Variants in CRYBA4 observed in about 807,000 individuals in gnomAD.
The protein encoded by CRYBA4 is beta-crystallin A4.
Under a neutral mutation model 31.7 loss-of-function variants are expected in CRYBA4, and 30 were observed. The ratio of observed to expected loss-of-function variants is 0.95; its 90% CI spans 0.71 to 1.28. The LOEUF is 1.28. Ranked by LOEUF, CRYBA4 falls within the 50% of genes most tolerant of loss-of-function variation. The pLI, the probability that CRYBA4 is intolerant of heterozygous loss-of-function variation, is 0.00. For missense variants in CRYBA4, 225 were observed against 260.7 expected (o/e 0.86, Z 0.94); for synonymous variants, 102 against 102.3 (o/e 1.00, Z 0.02).
At chr22:26,600,388 C>G in the CRYBA4 span, among the ~76,000 whole-genome samples, 1 of 151,038 alleles carries the variant, frequency 6.6e-6, no homozygotes, top group South Asian at 2.1e-4. Flanking sequence ...AGGGACAGAG[C>G]GAGACTCCAT....
chr22:26,599,484 G>A, the CRYBA4 span: 1 of 1,608,614 alleles, frequency 6.2e-7, no homozygotes. Flanking sequence ...AGAGTGAGGT[G>A]TGGACTCACT....
At chr22:26,609,354 G>A in the CRYBA4 span, among the ~76,000 whole-genome samples, 1 of 151,748 alleles carries the variant, frequency 6.6e-6, no homozygotes, top group Non-Finnish European at 1.5e-5. Context: ...GTCTGGAGTA[G>A]AAGAGAAATA....
At chr22:26,602,307 G>T in the CRYBA4 span, among the ~76,000 whole-genome samples, 741 of 152,236 alleles carry the variant, frequency 4.9e-3, 3 homozygotes, top group African/African-American at 0.017. Context: ...TTATTGGCCG[G>T]GTGCCATGGC....
At chr22:26,602,253 C>T in the CRYBA4 span, among the ~76,000 whole-genome samples, 3 of 152,074 alleles carry the variant, frequency 2.0e-5, no homozygotes, top group East Asian at 5.8e-4. Flanking sequence ...ATATAGAGCA[C>T]TGAGCACGAT....
At chr22:26,622,985 G>C (rs1212269004) in intron 2 of CRYBA4, among the ~76,000 whole-genome samples, 1 of 152,250 alleles carries the variant, frequency 6.6e-6, no homozygotes, top group Non-Finnish European at 1.5e-5. Flanking sequence ...ATTGTCTTGA[G>C]AAATTGGAAG....
chr22:26,593,715 G>C, the CRYBA4 span, among the ~76,000 whole-genome samples: 45 of 152,006 alleles, frequency 3.0e-4, no homozygotes, highest in African/African-American at 1.1e-3. Context: ...GAGTAGAGAT[G>C]GGATTTCTTC....
rs1484461662 is a variant in CRYBA4, at chr22:26,628,290, C to T, written c.303C>T (p.Asn101=). The change falls in exon 5 of 6, where the codon AAC becomes AAT. Residue 101 remains asparagine, a splice_region_variant and synonymous_variant. Transcript: ENST00000354760. Reference sequence around the variant, plus strand: ...GACTGTGTTCCCTGTTCCTGTAGAACCACCGTGACTCGAGGCTGACAATCT... The same window carrying T: ...GACTGTGTTCCCTGTTCCTGTAGAATCACCGTGACTCGAGGCTGACAATCT... ...LTSFRPAACA[N]HRDSRLTIFE... is the part of the protein sequence containing the mutation. 1.9e-6 allele frequency: 3 copies of T among 1,613,986 alleles called. No homozygotes were observed. The South Asian group carries it at 3.3e-5, about 18-fold the overall frequency.
chr22:26,592,133 G>A, the CRYBA4 span, among the ~76,000 whole-genome samples: 2 of 152,128 alleles, frequency 1.3e-5, no homozygotes, highest in African/African-American at 2.4e-5. Context: ...TGTTTATTGC[G>A]TGCATGTTAG....
chr22:26,613,314 G>A, the CRYBA4 span, among the ~76,000 whole-genome samples: 15 of 152,290 alleles, frequency 9.8e-5, no homozygotes, highest in African/African-American at 3.6e-4. Flanking sequence ...AGGAGGGGAG[G>A]TTCATATAAC....
chr22:26,591,890 T>TACACACACACACACACAC, the CRYBA4 span, among the ~76,000 whole-genome samples: 584 of 135,926 alleles, frequency 4.3e-3, 3 homozygotes, highest in Non-Finnish European at 4.3e-3. Flanking sequence ...CCTGGGTGAG[T>TACACACACACACACACAC]ACACACACAC....
the CRYBA4 span, chr22:26,616,448 C>G: frequency 2.7e-6 from 2 of 745,810 alleles, no homozygotes; most frequent in Non-Finnish European, 4.6e-6. Context: ...CTCTCTATCT[C>G]CTTCTGAAAC....
the CRYBA4 span, chr22:26,607,937 C>A: frequency 6.2e-7 from 1 of 1,614,190 alleles, no homozygotes; most frequent in Non-Finnish European, 8.5e-7. Context: ...GGTAGCTGCT[C>A]GACCATGTGT....
the CRYBA4 span, chr22:26,599,816 T>G: frequency 2.8e-5 from 21 of 736,972 alleles, no homozygotes; most frequent in Non-Finnish European, 5.1e-5. Flanking sequence ...CCCTTCCTGC[T>G]CTGTGCCCTG....
chr22:26,590,995 T>C, the CRYBA4 span, among the ~76,000 whole-genome samples: 27 of 152,360 alleles, frequency 1.8e-4, no homozygotes, highest in African/African-American at 5.0e-4. Context: ...AGGGTAGGCA[T>C]GCAGGCTTAC....
At chr22:26,616,488 C>G in the CRYBA4 span, 1 of 649,266 alleles carries the variant, frequency 1.5e-6, no homozygotes, top group Non-Finnish European at 2.7e-6. Context: ...TCTTTCATCC[C>G]TACTTCCCAG....
At chr22:26,601,205 A>C in the CRYBA4 span, among the ~76,000 whole-genome samples, 1 of 152,212 alleles carries the variant, frequency 6.6e-6, no homozygotes, top group Non-Finnish European at 1.5e-5. Flanking sequence ...GAGGAGATCA[A>C]GGGTGTCTGG....
chr22:26,597,080 G>T, the CRYBA4 span, among the ~76,000 whole-genome samples: 3,173 of 152,282 alleles, frequency 0.021, 44 homozygotes, highest in Non-Finnish European at 0.033. Flanking sequence ...TGAGATGAGG[G>T]AAGGTGAGTG....
At chr22:26,598,644 A>G in the CRYBA4 span, among the ~76,000 whole-genome samples, 11 of 152,270 alleles carry the variant, frequency 7.2e-5, no homozygotes, top group African/African-American at 1.4e-4. Context: ...TCAGCCTCCC[A>G]AAGTGTTGGG....
chr22:26,593,990 G>A, the CRYBA4 span, among the ~76,000 whole-genome samples: 1 of 152,186 alleles, frequency 6.6e-6, no homozygotes, highest in Admixed American at 6.5e-5. Context: ...ATTTGGCCAA[G>A]GATAATAGCT....
Sources: gnomAD v4.1 joint callset for allele counts (sites outside exome capture counted in the v4.1 genomes callset) on GRCh38, gnomAD v4.1.1 for gene constraint, MANE v1.5 for transcripts, NCBI Gene and HGNC (gene_info 2026-07-23, HGNC 2026-07-21) for gene names.